The following EXD3 variants were observed in gnomAD, a reference collection of about 807,000 sequenced individuals.
The protein encoded by EXD3 is exonuclease 3'-5' domain containing 3.
In EXD3, 92 loss-of-function variants were observed where a neutral mutation model predicts 98.0. The ratio of observed to expected loss-of-function variants is 0.94; its 90% confidence interval spans 0.79 to 1.12. The LOEUF is 1.12. EXD3 is among the 50% of genes most tolerant of loss of function. The pLI is 0.00. For synonymous variants in EXD3, 569 were observed against 526.0 expected (o/e 1.08, Z -1.12); for missense variants, 1,222 against 1,191.6 (o/e 1.03, Z -0.38).
At position 137,354,257 on chromosome 9, in the gene EXD3, C is replaced by G. The variant is rs11507676; in HGVS notation, c.870+82G>C. On this transcript the variant is annotated intron_variant, in intron 10 of 21. Transcript: ENST00000340951. ...GCGAAGGCCTCAGCTCTGCGCACTT[C>G]CACCAGGAGGCTCCGGGCCTGTGCC... 124 of 1,567,792 alleles carry G rather than the reference C, an allele frequency of 7.9e-5. 1 individual carries two copies. In the African/African-American group the frequency reaches 1.6e-3, roughly 20 times the overall value.
rs565916335 is a variant in EXD3 at position 137,316,403 on chromosome 9, G to C, written c.2185-6703C>G. ...AGACACCCTCCTTCCCAGGGGCCGC[G>C]GGGTCGCTGGGGGACTCGGCCCCCC... On this transcript the variant is annotated intron_variant, in intron 19 of 21. Coordinates refer to ENST00000340951, the MANE Select transcript of EXD3 (RefSeq NM_017820.5). 1.5e-3 allele frequency among the ~76,000 whole-genome samples: 234 copies of C among 152,176 alleles called. 2 individuals are homozygous for C. The highest frequency in any genetic ancestry group is 5.1e-3 in the African/African-American group (212 of 41,548).
At position 137,421,151 on chromosome 9, in the gene EXD3, T is replaced by C. The variant is rs868176289; in HGVS notation, c.-48+1963A>G. On this transcript the variant is annotated intron_variant, in intron 1 of 21. Coordinates refer to ENST00000340951, the MANE Select transcript of EXD3 (RefSeq NM_017820.5). ...TTTTAAAGGTCTATTCTGACCCTCT[T>C]GTAGTTCATAAGCATGATGATTGCC... Among the ~76,000 whole-genome samples, 6 of 152,150 alleles carry C rather than the reference T, an allele frequency of 3.9e-5. No individual in the cohort carries two copies. The South Asian group carries it at 6.2e-4, about 16-fold the overall frequency.
intron 2 of EXD3, among the ~76,000 whole-genome samples, chr9:137,387,698 C>G (rs559135115): frequency 6.6e-6 from 1 of 152,106 alleles, no homozygotes; most frequent in East Asian, 1.9e-4. Context: ...CCGAGAAGGG[C>G]GGGTGGGGCT....
In EXD3 at chr9:137,351,630, G is replaced by A; in HGVS notation, c.1174-102C>T. The A allele has an allele frequency of 3.6e-6, 4 of 1,103,300 alleles. No homozygotes were observed. The South Asian group carries it at 4.5e-5, about 12-fold the overall frequency. 68.3% of individuals were successfully genotyped at this position (1,103,300 alleles called of 1,614,324 possible). A position where few individuals can be genotyped will look rare whatever the true frequency, so the allele number is the denominator to read the frequency against. On this transcript the variant is annotated intron_variant, in intron 12 of 21. Transcript: ENST00000340951. ...CAGCTCTGTGAGCTTGGGCTTCGGGGAGACGCCCCTGCACCCCTGCATGTT... is the reference window on the plus strand; with the variant it reads ...CAGCTCTGTGAGCTTGGGCTTCGGGAAGACGCCCCTGCACCCCTGCATGTT...
chr9:137,346,586 T>C (rs371573925), intron 17 of EXD3, among the ~76,000 whole-genome samples: 1 of 152,212 alleles, frequency 6.6e-6, no homozygotes, highest in East Asian at 1.9e-4. Flanking sequence ...TTTCCACAGA[T>C]GGTCAGTTTC....
intron 2 of EXD3, among the ~76,000 whole-genome samples, chr9:137,391,145 G>A (rs931501055): frequency 8.5e-5 from 13 of 152,166 alleles, no homozygotes; most frequent in African/African-American, 2.4e-4. Flanking sequence ...GTGTCCCCAC[G>A]TCCACCCACA....
chr9:137,319,657 C>T (rs1253328133), intron 19 of EXD3, among the ~76,000 whole-genome samples: 2 of 152,302 alleles, frequency 1.3e-5, no homozygotes, highest in South Asian at 2.1e-4. Context: ...GCCAAGGAGG[C>T]GGGTGCGCAC....
intron 3 of EXD3, among the ~76,000 whole-genome samples, chr9:137,379,231 G>A (rs28697283): frequency 0.093 from 1,449 of 15,632 alleles, 30 homozygotes; most frequent in Middle Eastern, 0.25. Flanking sequence ...GACGGTGACC[G>A]TTGCCTGGGG....
At chr9:137,353,973 C>A (rs559432027) in intron 10 of EXD3, 2 of 1,082,190 alleles carry the variant, frequency 1.8e-6, no homozygotes, top group Non-Finnish European at 2.2e-6. Context: ...TGGCACCGGG[C>A]TGGGGGGGCC....
intron 17 of EXD3, among the ~76,000 whole-genome samples, chr9:137,331,499 A>G (rs1833061299): frequency 6.6e-6 from 1 of 152,190 alleles, no homozygotes; most frequent in South Asian, 2.1e-4. Flanking sequence ...ATGACTGTAT[A>G]CCTCGAAAAC....
intron 3 of EXD3, among the ~76,000 whole-genome samples, chr9:137,382,604 G>A (rs1389656697): frequency 6.6e-6 from 1 of 152,214 alleles, no homozygotes; most frequent in African/African-American, 2.4e-5. Flanking sequence ...GGTGGGTGCA[G>A]GAGAGAGGCA....
chr9:137,391,991 TG>T (rs1836941518), intron 2 of EXD3: 1 of 152,172 alleles, frequency 6.6e-6, no homozygotes, highest in Non-Finnish European at 1.5e-5. Context: ...CCCGCCACCA[TG>T]TCCAGCTAAT....
At chr9:137,377,526 C>G in intron 3 of EXD3, among the ~76,000 whole-genome samples, 1 of 150,756 alleles carries the variant, frequency 6.6e-6, no homozygotes, top group East Asian at 2.0e-4. Context: ...GTAATCCCAG[C>G]ACTTTGGGAG....
In EXD3 at chr9:137,352,350, G is replaced by A. The variant is rs181331045; in HGVS notation, c.1038-149C>T. ...CCACACCGGCTCAGTCCAGCCCAGC[G>A]TGACCCTTGCTCCTGCCTCTCCTCC... On this transcript the variant is annotated intron_variant, in intron 11 of 21. Transcript: ENST00000340951. 2.7e-3 allele frequency: 3,240 copies of A among 1,188,346 alleles called. 4 individuals are homozygous for A. Among genetic ancestry groups the A allele is most frequent in the Non-Finnish European group, 3.5e-3 (3,008 of 852,640 alleles). The allele number at this position is 1,188,346 out of a possible 1,614,324, so 73.6% of individuals were successfully genotyped here.
rs1348166440 is a variant in EXD3, at chr9:137,385,674, C to A, written c.56-2297G>T. 3.3e-5 allele frequency among the ~76,000 whole-genome samples: 5 copies of A among 152,048 alleles called. No individual in the cohort carries two copies. The highest frequency in any genetic ancestry group is 7.4e-5 in the Non-Finnish European group (5 of 68,014). On this transcript the variant is annotated intron_variant, in intron 2 of 21. Coordinates refer to ENST00000340951, the MANE Select transcript of EXD3 (RefSeq NM_017820.5). This position sits in a 1 kb window ranked among gnomAD's most constrained non-coding sequence, Gnocchi z 4.4. ...TCAGCCTCCGGAGTAGCTGGGAGTACAGGCGCTCACCGCTACGCCTGGCTA... is the reference window on the plus strand; with the variant it reads ...TCAGCCTCCGGAGTAGCTGGGAGTAAAGGCGCTCACCGCTACGCCTGGCTA...
At chr9:137,420,378 T>C (rs1017370436) in intron 1 of EXD3, among the ~76,000 whole-genome samples, 3 of 152,356 alleles carry the variant, frequency 2.0e-5, no homozygotes, top group Admixed American at 6.5e-5. Flanking sequence ...TGTCTTTTTC[T>C]CTACCTGATT....
intron 20 of EXD3, among the ~76,000 whole-genome samples, chr9:137,308,670 T>G (rs555859419): frequency 7.1e-6 from 1 of 140,122 alleles, no homozygotes; most frequent in East Asian, 2.2e-4. Context: ...GGAGTCTCAC[T>G]CTGTCCCCAA....
intron 1 of EXD3, among the ~76,000 whole-genome samples, chr9:137,416,878 T>C (rs1838255608): frequency 6.6e-6 from 1 of 152,128 alleles, no homozygotes; most frequent in South Asian, 2.1e-4. Context: ...GAGCAGGCCC[T>C]CCCTGAGCTG....
chr9:137,363,309 A>G (rs1183872119), intron 7 of EXD3, among the ~76,000 whole-genome samples: 1 of 136,922 alleles, frequency 7.3e-6, no homozygotes, highest in Non-Finnish European at 1.6e-5. Context: ...TCTCTATAAG[A>G]GTTCATACAG....
Sources: gnomAD v4.1 joint callset for allele counts (sites outside exome capture counted in the v4.1 genomes callset) on GRCh38, gnomAD v4.1.1 for gene constraint, Gnocchi (gnomAD v3.1) non-coding constraint, MANE v1.5 for transcripts, NCBI Gene and HGNC (gene_info 2026-07-23, HGNC 2026-07-21) for gene names.